The following ADAMTS1 variants were observed in gnomAD, a reference collection of about 807,000 sequenced individuals.
ADAMTS1 encodes A disintegrin and metalloproteinase with thrombospondin motifs 1.
Under a neutral mutation model 87.9 loss-of-function variants are expected in ADAMTS1, and 19 were observed. That is an observed-to-expected ratio of 0.22 (90% CI 0.15 to 0.32). ADAMTS1 has a LOEUF of 0.32. ADAMTS1 is among the 10% of genes least tolerant of loss of function. The pLI is 1.00. For missense variants in ADAMTS1, 1,240 were observed against 1,259.1 expected (o/e 0.98, Z 0.23); for synonymous variants, 542 against 501.8 (o/e 1.08, Z -1.07).
Position 26,839,777 on chromosome 21 carries a change from A to G in ADAMTS1, c.1853-15T>C. On this transcript the variant is annotated splice_polypyrimidine_tract_variant and intron_variant, in intron 6 of 8. Transcript: ENST00000284984. ...AAAGGTTTTTCCTGGAAAGAGAATA[A>G]TATGATAACATTATCAGTTTCCAAT... is the stretch of plus-strand genomic sequence containing the variant. 6.2e-7 allele frequency: 1 copy of G among 1,603,410 alleles called. No individual in the cohort carries two copies. Among genetic ancestry groups the G allele is most frequent in the Non-Finnish European group, 8.5e-7 (1 of 1,172,112 alleles).
rs144355331 is a variant in ADAMTS1 at position 26,843,884 on chromosome 21, TAC to T, written c.730+339_730+340del. Reference sequence around the variant, plus strand: ...CGCACACAAAATCATTAAAAAGAAATACACAGAGTGGAAAGAACTCGCACAAG... The same window carrying T: ...CGCACACAAAATCATTAAAAAGAAATACAGAGTGGAAAGAACTCGCACAAG... On this transcript the variant is annotated intron_variant, in intron 1 of 8. Coordinates refer to ENST00000284984, the MANE Select transcript of ADAMTS1 (RefSeq NM_006988.5). The T allele has an allele frequency of 9.0e-3, 4,256 of 474,496 alleles. 144 individuals are homozygous for T. Among genetic ancestry groups the T allele is most frequent in the African/African-American group, 0.076 (3,868 of 50,956 alleles). 29.4% of individuals were successfully genotyped at this position (474,496 alleles called of 1,614,324 possible). A position where few individuals can be genotyped will look rare whatever the true frequency, so the allele number is the denominator to read the frequency against.
rs200516742 is a variant in ADAMTS1 at position 26,840,469 on chromosome 21, G to A, written c.1472C>T (p.Thr491Ile). 433 of 1,614,064 alleles carry A rather than the reference G, an allele frequency of 2.7e-4. 1 individual carries two copies. Among genetic ancestry groups the A allele is most frequent in the Middle Eastern group, 4.9e-4 (3 of 6,084 alleles). Residue 491 changes from threonine (T) to isoleucine (I), a missense_variant, in exon 5 of 9, where the codon ACA becomes ATA. Physicochemically the swap from Thr to Ile is moderately conservative, Grantham distance 89. Coordinates refer to ENST00000284984, the MANE Select transcript of ADAMTS1 (RefSeq NM_006988.5). ...SYDANRQCQF[T>I]FGEDSKHCPD... ...GCAGTGTTTGGAGTCCTCCCCAAAT[G>A]TAAACTGGCACTGCCGGTTGGCATC... is the stretch of plus-strand genomic sequence containing the variant.
intron 7 of ADAMTS1, chr21:26,839,164 CT>C (rs1985439374): frequency 6.2e-6 from 1 of 161,042 alleles, no homozygotes; most frequent in African/African-American, 2.4e-5. Context: ...ACTACCACTT[CT>C]ATTATTCTGT....
chr21:26,840,136 G>A, intron 5 of ADAMTS1, 75 bp from the exon 6 acceptor site: 1 of 1,551,524 alleles, frequency 6.4e-7, no homozygotes, highest in Non-Finnish European at 8.7e-7. Flanking sequence ...AAGCCACATG[G>A]GACAAAGAAT....
At position 26,844,567 on chromosome 21, in the gene ADAMTS1, T is replaced by C. The variant is rs771871560; in HGVS notation, c.388A>G (p.Asn130Asp). ...GCGGCAGCCGAGCTGGGATCGCCAT[T>C]CACGGTGCCGGAGTAGAAGCAGTGC... ...LAHCFYSGTVNGDPSSAAALS... is the reference protein window; with the variant it reads ...LAHCFYSGTVDGDPSSAAALS... Residue 130 changes from asparagine (N) to aspartate (D), a missense_variant, in exon 1 of 9, where the codon AAT becomes GAT. Around this residue, in one of 3 missense-constraint regions of ADAMTS1, gnomAD observed 521 missense variants for 449.7 expected, o/e 1.16. Coordinates refer to ENST00000284984, the MANE Select transcript of ADAMTS1 (RefSeq NM_006988.5). 12 of 1,610,766 alleles carry C rather than the reference T, an allele frequency of 7.4e-6. No homozygotes were observed. In the Admixed American group the frequency reaches 1.8e-4, roughly 25 times the overall value.
Position 26,845,144 on chromosome 21 carries a change from C to T in ADAMTS1, c.-190G>A. On this transcript the variant is annotated 5_prime_UTR_variant, in exon 1 of 9. Coordinates refer to ENST00000284984, the MANE Select transcript of ADAMTS1 (RefSeq NM_006988.5). ...GTCACTAAAAGGAGGCGCTGCAGTT[C>T]TGCCGGCGCGCGGGAAGTTTTTCTT... 1.3e-6 allele frequency: 1 copy of T among 741,826 alleles called. No homozygotes were observed. The highest frequency in any genetic ancestry group is 1.9e-6 in the Non-Finnish European group (1 of 536,044). 46.0% of individuals were successfully genotyped at this position (741,826 alleles called of 1,614,324 possible). A position where few individuals can be genotyped will look rare whatever the true frequency, so the allele number is the denominator to read the frequency against.
intron 4 of ADAMTS1, 100 bp downstream of exon 4, chr21:26,840,898 T>A: frequency 2.9e-6 from 4 of 1,371,882 alleles, no homozygotes; most frequent in Non-Finnish European, 4.0e-6. Context: ...AATTTTGAAG[T>A]GGGGAAAATA....
rs753850405 is a variant in ADAMTS1, at chr21:26,844,318, TCTC to T, written c.634_636del (p.Glu212del). 2 of 1,608,940 alleles carry T rather than the reference TCTC, an allele frequency of 1.2e-6. No individual in the cohort carries two copies. Among genetic ancestry groups the T allele is most frequent in the African/African-American group, 2.7e-5 (2 of 74,848 alleles). On this transcript the variant is annotated inframe_deletion, in exon 1 of 9. Coordinates refer to ENST00000284984, the MANE Select transcript of ADAMTS1 (RefSeq NM_006988.5). ...TCAGTCCCTTCGTCCTCGTCTTCGG[TCTC>T]CGCTTTCCCAGTCGGCCGGGGCTCG...
In ADAMTS1 at chr21:26,837,584, T is replaced by A. The variant is rs760920329; in HGVS notation, c.2899A>T (p.Ser967Cys). The A allele has an allele frequency of 1.2e-6, 2 of 1,613,812 alleles. No homozygotes were observed. The highest frequency in any genetic ancestry group is 1.7e-6 in the Non-Finnish European group (2 of 1,179,842). Residue 967 changes from serine to cysteine, a missense_variant, in exon 9 of 9, where the codon AGT (serine) becomes TGT (cysteine). Physicochemically the swap from Ser to Cys is moderately radical, Grantham distance 112. This residue lies in a region of ADAMTS1 where 402 missense variants were observed against 399.1 expected (regional missense o/e 1.01). Coordinates refer to ENST00000284984, the MANE Select transcript of ADAMTS1 (RefSeq NM_006988.5). ...FIDFCTMAEC[S>C] ...GCTAACACCACTTAAACCACTTAAC[T>A]GCATTCTGCCATTGTGCAAAAGTCT...
In ADAMTS1 at chr21:26,840,289, C is replaced by CT; in HGVS notation, c.1651dup (p.Arg551LysfsTer5). Reference sequence around the variant, plus strand: ...AGAAAAACTCACATCAAAATGCTTTCTGTCGGTTTTGTTCACACACTTGCC... The same window carrying CT: ...AGAAAAACTCACATCAAAATGCTTTCTTGTCGGTTTTGTTCACACACTTGCC... On this transcript the variant is annotated frameshift_variant, in exon 5 of 9. Coordinates refer to ENST00000284984, the MANE Select transcript of ADAMTS1 (RefSeq NM_006988.5). LOFTEE classifies it high-confidence loss of function. The CT allele has an allele frequency of 6.2e-7, 1 of 1,612,614 alleles. No individual in the cohort carries two copies. Among genetic ancestry groups the CT allele is most frequent in the Non-Finnish European group, 8.5e-7 (1 of 1,178,786 alleles).
rs71317487 is a variant in ADAMTS1 at position 26,838,138 on chromosome 21, T to C, written c.2345A>G (p.Asp782Gly). The change falls in exon 9 of 9, where the codon GAC becomes GGC. Residue 782 changes from aspartate (D) to glycine (G), a missense_variant. Physicochemically the swap from Asp to Gly is moderately conservative, Grantham distance 94. This residue lies in a region of ADAMTS1 where 402 missense variants were observed against 399.1 expected (regional missense o/e 1.01). Coordinates refer to ENST00000284984, the MANE Select transcript of ADAMTS1 (RefSeq NM_006988.5). ...AADGTYILNG[D>G]YTLSTLEQDI... The stretch of plus-strand genomic sequence containing the variant: ...TTGCTCTAAGGTGGACAAAGTGTAG[T>C]CACCATTAAGAATATATGTGCCATC... 4,220 of 1,614,088 alleles carry C rather than the reference T, an allele frequency of 2.6e-3. 19 individuals are homozygous for C. Among genetic ancestry groups the C allele is most frequent in the Middle Eastern group, 7.6e-3 (46 of 6,062 alleles).
chr21:26,838,096 C>G lies in ADAMTS1; in HGVS notation c.2387G>C (p.Gly796Ala). 5.0e-6 allele frequency: 8 copies of G among 1,614,142 alleles called. No individual in the cohort carries two copies. Among genetic ancestry groups the G allele is most frequent in the Non-Finnish European group, 6.8e-6 (8 of 1,180,026 alleles). The stretch of plus-strand genomic sequence containing the variant: ...GGAGCCGCTGTACCTCAAGACAACA[C>G]CTTTGTACATAATGTCTTGCTCTAA... ...STLEQDIMYKGVVLRYSGSSA... is the reference protein window; with the variant it reads ...STLEQDIMYKAVVLRYSGSSA... Residue 796 changes from glycine (G) to alanine (A), a missense_variant, in exon 9 of 9, where the codon GGT becomes GCT. Coordinates refer to ENST00000284984, the MANE Select transcript of ADAMTS1 (RefSeq NM_006988.5).
rs1164287928 is a variant in ADAMTS1 at position 26,845,067 on chromosome 21, CTAT to C, written c.-116_-114del. ...TCTGGATTGTTAAAATTAACAATTT[CTAT>C]TATTCGTTGGAAGGGCGCGCAGAGC... On this transcript the variant is annotated 5_prime_UTR_variant, in exon 1 of 9. Coordinates refer to ENST00000284984, the MANE Select transcript of ADAMTS1 (RefSeq NM_006988.5). The C allele has an allele frequency of 5.5e-6, 7 of 1,284,044 alleles. No individual in the cohort carries two copies. In the African/African-American group the frequency reaches 9.3e-5, roughly 17 times the overall value. 79.5% of individuals were successfully genotyped at this position (1,284,044 alleles called of 1,614,324 possible). A position where few individuals can be genotyped will look rare whatever the true frequency, so the allele number is the denominator to read the frequency against.
intron 7 of ADAMTS1, chr21:26,838,847 T>A: frequency 2.4e-6 from 1 of 424,158 alleles, no homozygotes; most frequent in Non-Finnish European, 4.2e-6. Context: ...TTGACCTATG[T>A]CTCCTCCAGC....
chr21:26,839,678 A>G lies in ADAMTS1; in HGVS notation c.1937T>C (p.Ile646Thr), dbSNP rs150206943. ...TGGTGAGACGCCAGCGTACTTGGGA[A>G]TCCATTCCACCGCAGGCCCACTCCC... ...SFGSGPAVEW[I>T]PKYAGVSPKD... is the part of the protein sequence containing the mutation. The change falls in exon 7 of 9, where the codon ATT (isoleucine) becomes ACT (threonine). Residue 646 changes from isoleucine (I) to threonine (T), a missense_variant. This residue lies in a region of ADAMTS1 where 402 missense variants were observed against 399.1 expected (regional missense o/e 1.01). Transcript: ENST00000284984. The G allele has an allele frequency of 2.4e-5, 39 of 1,613,986 alleles. No homozygotes were observed. The African/African-American group carries it at 4.0e-4, about 17-fold the overall frequency.
chr21:26,841,909 CG>C lies in ADAMTS1; in HGVS notation c.1158del (p.Val387SerfsTer2). ...GCTTGTAAACCATCATCTTCTATGA[CG>C]GAGCAGCTTCTGCTCGGATCACACA... ...GTVCDPSRSC[S>X]VIEDDGLQAA... On this transcript the variant is annotated frameshift_variant, in exon 3 of 9. Transcript: ENST00000284984. LOFTEE classifies it high-confidence loss of function. 1 of 1,614,092 alleles carries C rather than the reference CG, an allele frequency of 6.2e-7. No homozygotes were observed. Among genetic ancestry groups the C allele is most frequent in the Non-Finnish European group, 8.5e-7 (1 of 1,180,002 alleles).
intron 7 of ADAMTS1, chr21:26,839,371 G>A: frequency 2.2e-6 from 1 of 455,428 alleles, no homozygotes; most frequent in Non-Finnish European, 3.8e-6. Context: ...GCGAGCAATT[G>A]CAAGCATGTG....
chr21:26,843,111 GC>G lies in ADAMTS1; in HGVS notation c.731-427del, dbSNP rs549914093. On this transcript the variant is annotated intron_variant, in intron 1 of 8. Transcript: ENST00000284984. Reference sequence around the variant, plus strand: ...CTCCACGTGGAAGGCCTCGGGTAGGGCCTGGGCTGCTGCCAAGGGGCCGGGC... The same window carrying G: ...CTCCACGTGGAAGGCCTCGGGTAGGGCTGGGCTGCTGCCAAGGGGCCGGGC... The G allele has an allele frequency of 4.0e-3, 1,085 of 273,160 alleles. 6 individuals carry two copies. Among genetic ancestry groups the G allele is most frequent in the Middle Eastern group, 0.011 (9 of 794 alleles). 16.9% of individuals were successfully genotyped at this position (273,160 alleles called of 1,614,324 possible). A position where few individuals can be genotyped will look rare whatever the true frequency, so the allele number is the denominator to read the frequency against.
At chr21:26,843,573 G>A (rs1370171620) in intron 1 of ADAMTS1, 1 of 467,376 alleles carries the variant, frequency 2.1e-6, no homozygotes, top group South Asian at 1.6e-5. Flanking sequence ...CAGAATTATG[G>A]CCGCGAGAGG....
Sources: gnomAD v4.1 joint callset for allele counts on GRCh38, gnomAD v4.1.1 for gene constraint, gnomAD v4.1.1 regional missense constraint, MANE v1.5 for transcripts, NCBI Gene and HGNC (gene_info 2026-07-23, HGNC 2026-07-21) for gene names.